Variants in TAOK3 observed in about 807,000 individuals in gnomAD.
TAOK3 encodes the protein serine/threonine-protein kinase TAO3.
TAOK3 carries 40 observed loss-of-function variants against 120.4 expected under a neutral mutation model. The observed-to-expected ratio is 0.33, with a 90% CI of 0.26 to 0.43. TAOK3 has a LOEUF of 0.43. Ranked by LOEUF, TAOK3 falls within the 20% of genes least tolerant of loss-of-function variation. The probability of loss-of-function intolerance (pLI) is 1.00; values close to 1 mark genes in which losing one functional copy is unlikely to be tolerated. For synonymous variants in TAOK3, 355 were observed against 387.5 expected, an observed-to-expected ratio of 0.92 and a Z score of 0.99; for missense variants, 821 against 1,112.1, an observed-to-expected ratio of 0.74 and a Z score of 3.72.
intron 1 of TAOK3, among the ~76,000 whole-genome samples, chr12:118,343,426 C>CAA (rs368283127): frequency 0.05 from 3,959 of 78,518 alleles, 212 homozygotes; most frequent in East Asian, 0.32. Context: ...GTCCCTGTCT[C>CAA]AAAAAAAAAA....
intron 13 of TAOK3, 105 bp downstream of exon 13, chr12:118,198,946 T>C: frequency 8.3e-7 from 1 of 1,208,020 alleles, no homozygotes; most frequent in Non-Finnish European, 1.2e-6. Context: ...AGTACCACAC[T>C]GCAGTTGCAA....
intron 14 of TAOK3, 29 bp from the exon 15 acceptor site, chr12:118,181,636 G>C: frequency 6.3e-7 from 1 of 1,598,046 alleles, no homozygotes; most frequent in Non-Finnish European, 8.6e-7. Flanking sequence ...CAGAACTCAG[G>C]TAACCAGGTT....
At chr12:118,178,009 C>T (rs1041233786) in intron 15 of TAOK3, among the ~76,000 whole-genome samples, 28 of 151,958 alleles carry the variant, frequency 1.8e-4, no homozygotes, top group African/African-American at 6.8e-4. Flanking sequence ...TGCAGTGGCT[C>T]GAGCATAGCT....
At chr12:118,254,042 G>A (rs868244931) in intron 3 of TAOK3, among the ~76,000 whole-genome samples, 32 of 152,330 alleles carry the variant, frequency 2.1e-4, no homozygotes, top group African/African-American at 7.5e-4. Flanking sequence ...GCTACAGAGC[G>A]AGGCTCTGTC....
intron 9 of TAOK3, among the ~76,000 whole-genome samples, chr12:118,228,045 A>C (rs904989665): frequency 6.6e-6 from 1 of 152,130 alleles, no homozygotes; most frequent in Admixed American, 6.6e-5. Context: ...TTCTTCTAAA[A>C]AAATAAGAAA....
chr12:118,220,009 C>A (rs372994257), intron 9 of TAOK3, among the ~76,000 whole-genome samples: 6 of 151,178 alleles, frequency 4.0e-5, no homozygotes, highest in East Asian at 3.9e-4. Flanking sequence ...TCACTCAAGC[C>A]ATCCTTCTAC....
At chr12:118,239,787 T>C (rs2139939181) in intron 5 of TAOK3, among the ~76,000 whole-genome samples, 1 of 152,344 alleles carries the variant, frequency 6.6e-6, no homozygotes, top group Non-Finnish European at 1.5e-5. Context: ...TAGCCTGCTA[T>C]GTATCATTAC....
intron 1 of TAOK3, among the ~76,000 whole-genome samples, chr12:118,279,513 C>T (rs1340272569): frequency 6.6e-6 from 1 of 150,808 alleles, no homozygotes; most frequent in Non-Finnish European, 1.5e-5. Context: ...AATGGTATTT[C>T]CTAGGTTACC....
At chr12:118,226,586 C>A (rs886736382) in intron 9 of TAOK3, among the ~76,000 whole-genome samples, 1 of 150,656 alleles carries the variant, frequency 6.6e-6, no homozygotes, top group Non-Finnish European at 1.5e-5. Flanking sequence ...CAAAGTCAGA[C>A]AACTACAAAA....
At chr12:118,309,671 A>C (rs2043192014) in intron 1 of TAOK3, among the ~76,000 whole-genome samples, 1 of 151,702 alleles carries the variant, frequency 6.6e-6, no homozygotes. Context: ...GCCTGCCACC[A>C]CGCCTGGCTA....
intron 16 of TAOK3, among the ~76,000 whole-genome samples, chr12:118,173,327 A>G (rs1049146592): frequency 6.6e-6 from 1 of 152,226 alleles, no homozygotes; most frequent in African/African-American, 2.4e-5. Context: ...TTGAGGCTTT[A>G]CAGGCCAATA....
intron 9 of TAOK3, among the ~76,000 whole-genome samples, chr12:118,229,794 G>A (rs942305722): frequency 6.6e-6 from 1 of 152,020 alleles, no homozygotes; most frequent in African/African-American, 2.4e-5. Flanking sequence ...AGCCAGGCGT[G>A]GCGGCATGCA....
intron 1 of TAOK3, among the ~76,000 whole-genome samples, chr12:118,334,148 A>G (rs955345516): frequency 6.6e-6 from 1 of 151,762 alleles, no homozygotes; most frequent in Admixed American, 6.6e-5. Context: ...AAAAAAAAAA[A>G]AAAAAAAAGA....
At chr12:118,293,979 C>T (rs1160770571) in intron 1 of TAOK3, among the ~76,000 whole-genome samples, 3 of 151,810 alleles carry the variant, frequency 2.0e-5, no homozygotes, top group Non-Finnish European at 4.4e-5. Context: ...CATGCCATTG[C>T]ACTCCAGCCT....
At chr12:118,291,739 T>A (rs2042490105) in intron 1 of TAOK3, among the ~76,000 whole-genome samples, 2 of 152,168 alleles carry the variant, frequency 1.3e-5, no homozygotes, top group Non-Finnish European at 2.9e-5. Context: ...TAAACATTTA[T>A]AAACCCCCTT....
intron 17 of TAOK3, among the ~76,000 whole-genome samples, chr12:118,169,564 G>A (rs1231796170): frequency 6.6e-6 from 1 of 152,010 alleles, no homozygotes; most frequent in Non-Finnish European, 1.5e-5. Flanking sequence ...GCCTGCCTGA[G>A]CCTCCCAAAG....
intron 1 of TAOK3, among the ~76,000 whole-genome samples, chr12:118,269,165 C>CT (rs1444446892): frequency 1.3e-5 from 2 of 151,192 alleles, no homozygotes; most frequent in Non-Finnish European, 2.9e-5. Flanking sequence ...TTCTTTCTTT[C>CT]TTTTTTTATT....
intron 1 of TAOK3, among the ~76,000 whole-genome samples, chr12:118,363,761 A>T (rs995153728): frequency 7.3e-4 from 105 of 143,582 alleles, no homozygotes; most frequent in East Asian, 5.1e-3. Context: ...TGTGTGAGAG[A>T]GAGAGAGAGA....
chr12:118,336,903 C>T (rs1176898019), intron 1 of TAOK3, among the ~76,000 whole-genome samples: 1 of 152,152 alleles, frequency 6.6e-6, no homozygotes, highest in Non-Finnish European at 1.5e-5. Flanking sequence ...GAAACCCTGT[C>T]TCTACTAAAG....
Sources: allele counts gnomAD v4.1 joint callset (sites outside exome capture counted in the v4.1 genomes callset), GRCh38; gene constraint gnomAD v4.1.1; transcripts MANE v1.5; gene names NCBI Gene and HGNC (gene_info 2026-07-23, HGNC 2026-07-21).